OCRL: variants seen among roughly 807,000 people sequenced by gnomAD.
The protein encoded by OCRL is OCRL inositol polyphosphate-5-phosphatase.
OCRL carries 8 observed loss-of-function variants against 78.9 expected under a neutral mutation model. The ratio of observed to expected loss-of-function variants is 0.10; its 90% CI spans 0.06 to 0.18. The LOEUF is 0.18. Among genes scored for constraint, OCRL ranks in the 10% least tolerant of loss-of-function variants. The pLI, the probability that OCRL is intolerant of heterozygous loss-of-function variation, is 1.00. For missense variants in OCRL, 454 were observed against 696.7 expected (o/e 0.65, Z 3.92); for synonymous variants, 240 against 235.4 (o/e 1.02, Z -0.18).
intron 4 of OCRL, chrX:129,553,277 A>G (rs1348700718): frequency 8.9e-6 from 1 of 112,162 alleles, no homozygotes; most frequent in Non-Finnish European, 1.9e-5. Context: ...GATGGAGGTT[A>G]TTGGTGAACT....
At chrX:129,577,541 G>T (rs1454929218) in intron 18 of OCRL, among the ~76,000 whole-genome samples, 5 of 111,672 alleles carry the variant, frequency 4.5e-5, no homozygotes, top group Non-Finnish European at 9.4e-5. Flanking sequence ...TATTCACATG[G>T]ATCCTTTAGG....
rs777503815 is a variant in OCRL, at chrX:129,589,975, A to C, written c.2581+19A>C. On this transcript the variant is annotated intron_variant, in intron 23 of 23. Transcript: ENST00000371113. ...ATGATCGGTAAGAGTGCTTCATGCA[A>C]CACGGGGCGTTTGTTGAGAATACTC... 8 of 1,158,898 alleles carry C rather than the reference A, an allele frequency of 6.9e-6. 1 individual carries two copies. The South Asian group carries it at 1.4e-4, about 21-fold the overall frequency.
chrX:129,574,236 A>AT (rs752465676), intron 15 of OCRL, among the ~76,000 whole-genome samples: 44 of 112,047 alleles, frequency 3.9e-4, no homozygotes, highest in African/African-American at 1.4e-3. Flanking sequence ...GCATGTATCA[A>AT]TTTTTTTTGA....
In OCRL at chrX:129,545,010, A is replaced by G. The variant is rs777695514; in HGVS notation, c.172A>G (p.Ile58Val). Residue 58 changes from isoleucine (I) to valine (V), a missense_variant, in exon 3 of 24, where the codon ATA becomes GTA. By Grantham distance (29) the Ile-to-Val change is conservative. Transcript: ENST00000371113. ...KEQHVQDIIPINSHFRCVQEA... is the reference protein window; with the variant it reads ...KEQHVQDIIPVNSHFRCVQEA... ...ACAGCATGTTCAAGATATCATTCCT[A>G]TAAATAGCCACTTCAGATGTGTTCA... The G allele has an allele frequency of 2.0e-5, 22 of 1,126,264 alleles. No homozygotes were observed. The highest frequency in any genetic ancestry group is 1.5e-4 in the Admixed American group (7 of 45,789). The allele number at this position is 1,126,264 out of a possible 1,213,427, so 92.8% of individuals were successfully genotyped here. A position where few individuals can be genotyped will look rare whatever the true frequency, so the allele number is the denominator to read the frequency against.
intron 3 of OCRL, among the ~76,000 whole-genome samples, chrX:129,545,946 T>A (rs1217276865): frequency 4.5e-5 from 5 of 111,230 alleles, no homozygotes; most frequent in Non-Finnish European, 1.9e-5. Flanking sequence ...ACTCCTGAGT[T>A]CAAGCAATCT....
chrX:129,548,730 C>A, intron 4 of OCRL, 129 bp downstream of exon 4: 1 of 562,843 alleles, frequency 1.8e-6, no homozygotes, highest in Non-Finnish European at 3.0e-6. Context: ...CCTGTAGCAG[C>A]CATACAAATT....
intron 19 of OCRL, among the ~76,000 whole-genome samples, chrX:129,586,005 G>C (rs768453771): frequency 4.7e-4 from 52 of 111,354 alleles, no homozygotes; most frequent in Middle Eastern, 4.6e-3. Context: ...AGCTAGAGGC[G>C]GGGGAGGGAG....
At chrX:129,540,900 A>G in intron 2 of OCRL, 77 bp downstream of exon 2, 1 of 847,899 alleles carries the variant, frequency 1.2e-6, no homozygotes, top group Non-Finnish European at 1.8e-6. Context: ...CGGGTCACCC[A>G]CTGTCCTCCT....
In OCRL at chrX:129,567,245, T is replaced by A. The variant is rs764233790; in HGVS notation, c.1357-9T>A. 1.7e-6 allele frequency: 2 copies of A among 1,149,208 alleles called. No homozygotes were observed. Among genetic ancestry groups the A allele is most frequent in the Non-Finnish European group, 1.2e-6 (1 of 838,329 alleles). 94.7% of individuals were successfully genotyped at this position (1,149,208 alleles called of 1,213,427 possible). On this transcript the variant is annotated splice_polypyrimidine_tract_variant and intron_variant, in intron 13 of 23. Coordinates refer to ENST00000371113, the MANE Select transcript of OCRL (RefSeq NM_000276.4). ...ATCCTGCTTATTTGATGCTTCTTTC[T>A]ATCTGTAGCTAAATATTCAGCGCAC...
chrX:129,565,675 C>A, intron 12 of OCRL, 97 bp from the exon 13 acceptor site: 1 of 637,165 alleles, frequency 1.6e-6, no homozygotes, highest in Non-Finnish European at 2.6e-6. Flanking sequence ...GGTGAGTGAG[C>A]CCTTATCAAT....
intron 18 of OCRL, among the ~76,000 whole-genome samples, chrX:129,581,716 TAC>T (rs1936441441): frequency 1.1e-5 from 1 of 92,133 alleles, no homozygotes; most frequent in Non-Finnish European, 2.0e-5. Context: ...TATATATATA[TAC>T]ACACACCTGT....
At chrX:129,552,655 C>A (rs1347260715) in intron 4 of OCRL, among the ~76,000 whole-genome samples, 2 of 112,077 alleles carry the variant, frequency 1.8e-5, no homozygotes, top group African/African-American at 6.5e-5. Context: ...GAACTCCTGA[C>A]CTCAGGTGAT....
chrX:129,551,228 G>T (rs1346752764), intron 4 of OCRL, among the ~76,000 whole-genome samples: 9 of 110,987 alleles, frequency 8.1e-5, no homozygotes, highest in Non-Finnish European at 7.5e-5. Context: ...CTCCTACTTT[G>T]GTTCTTGCTT....
intron 4 of OCRL, among the ~76,000 whole-genome samples, chrX:129,557,038 G>T (rs761737573): frequency 1.8e-5 from 2 of 111,367 alleles, no homozygotes; most frequent in African/African-American, 6.5e-5. Flanking sequence ...AGATCAGAAC[G>T]CAGGAAAGTA....
At chrX:129,565,151 A>G (rs1174958876) in intron 12 of OCRL, among the ~76,000 whole-genome samples, 1 of 112,036 alleles carries the variant, frequency 8.9e-6, no homozygotes, top group Non-Finnish European at 1.9e-5. Context: ...GTCCATTTTG[A>G]TGTGTTAATT....
intron 4 of OCRL, 46 bp from the exon 5 acceptor site, chrX:129,557,279 C>A: frequency 9.4e-7 from 1 of 1,066,192 alleles, no homozygotes; most frequent in South Asian, 1.9e-5. Context: ...CCCAGTAAAA[C>A]ATTTTATCCC....
chrX:129,583,491 G>A (rs756865225), intron 18 of OCRL, among the ~76,000 whole-genome samples: 3 of 111,780 alleles, frequency 2.7e-5, no homozygotes, highest in African/African-American at 9.7e-5. Context: ...AGCTTTCAGA[G>A]CCTCAGTTTC....
At chrX:129,548,657 C>G in intron 4 of OCRL, 56 bp downstream of exon 4, 1 of 1,005,972 alleles carries the variant, frequency 9.9e-7, no homozygotes, top group South Asian at 1.9e-5. Flanking sequence ...TACTTGAACA[C>G]TCACTACATT....
intron 2 of OCRL, among the ~76,000 whole-genome samples, chrX:129,541,365 T>C (rs1935798409): frequency 8.9e-6 from 1 of 112,023 alleles, no homozygotes; most frequent in Non-Finnish European, 1.9e-5. Flanking sequence ...AATTCAGTAA[T>C]GGTTTAGTGT....
Sources: allele counts gnomAD v4.1 joint callset (sites outside exome capture counted in the v4.1 genomes callset), GRCh38; gene constraint gnomAD v4.1.1; transcripts MANE v1.5; gene names NCBI Gene and HGNC (gene_info 2026-07-23, HGNC 2026-07-21).